Variants in NFIA observed in about 807,000 individuals in gnomAD.
NFIA encodes the protein nuclear factor I A, also known as nuclear factor 1 A-type.
Under a neutral mutation model 62.8 loss-of-function variants are expected in NFIA, and 8 were observed. That is an observed-to-expected ratio of 0.13 (90% CI 0.07 to 0.23). The LOEUF is 0.23. NFIA is among the 10% of genes least tolerant of loss of function. The probability of loss-of-function intolerance (pLI) is 1.00; values close to 1 mark genes in which losing one functional copy is unlikely to be tolerated. For missense variants in NFIA, 410 were observed against 642.1 expected, an observed-to-expected ratio of 0.64 and a Z score of 3.91; for synonymous variants, 235 against 238.1, an observed-to-expected ratio of 0.99 and a Z score of 0.12.
intron 1 of NFIA, among the ~76,000 whole-genome samples, chr1:61,086,978 G>C (rs1646229353): frequency 6.6e-6 from 1 of 152,112 alleles, no homozygotes; most frequent in Admixed American, 6.5e-5. Context: ...TGGAGAGGGG[G>C]TTATGTGGCA....
chr1:61,403,035 A>G (rs1347772342), intron 7 of NFIA, among the ~76,000 whole-genome samples: 1 of 152,152 alleles, frequency 6.6e-6, no homozygotes. Context: ...CAGTATTATG[A>G]GTCATTCTTG....
At chr1:61,317,046 A>C (rs1010606393) in intron 3 of NFIA, among the ~76,000 whole-genome samples, 2 of 152,102 alleles carry the variant, frequency 1.3e-5, no homozygotes, top group Non-Finnish European at 2.9e-5. Context: ...ACTTTTTTTC[A>C]AAAAAATACT....
At chr1:61,398,767 T>A (rs1322273034) in intron 7 of NFIA, among the ~76,000 whole-genome samples, 1 of 152,188 alleles carries the variant, frequency 6.6e-6, no homozygotes. Flanking sequence ...ATCCCTTAAC[T>A]CCAAACTTCT....
At chr1:61,309,019 G>A (rs545421197) in intron 3 of NFIA, among the ~76,000 whole-genome samples, 11 of 152,250 alleles carry the variant, frequency 7.2e-5, no homozygotes, top group Admixed American at 4.6e-4. Context: ...ATCTCAATCC[G>A]TTTTCCATTT....
At chr1:61,451,839 T>C (rs539005578) in intron 10 of NFIA, among the ~76,000 whole-genome samples, 1 of 152,324 alleles carries the variant, frequency 6.6e-6, no homozygotes, top group Admixed American at 6.5e-5. Context: ...TAAGGGGCTA[T>C]AAAGTACGAA....
intron 2 of NFIA, among the ~76,000 whole-genome samples, chr1:61,215,806 C>T (rs1257339022): frequency 6.6e-6 from 1 of 152,176 alleles, no homozygotes; most frequent in Admixed American, 6.5e-5. Context: ...GACTCATTTG[C>T]CCCTTTTTTA....
At chr1:61,281,031 G>A (rs1445068521) in intron 3 of NFIA, among the ~76,000 whole-genome samples, 2 of 152,074 alleles carry the variant, frequency 1.3e-5, no homozygotes, top group African/African-American at 4.8e-5. Flanking sequence ...ATCACTTGAG[G>A]TCAGGAGTTC....
intron 2 of NFIA, among the ~76,000 whole-genome samples, chr1:61,228,903 G>A (rs1164418098): frequency 1.3e-5 from 2 of 152,012 alleles, no homozygotes; most frequent in African/African-American, 2.4e-5. Context: ...ACATTTGAGT[G>A]CAACAATAAG....
intron 2 of NFIA, among the ~76,000 whole-genome samples, chr1:61,126,715 T>C (rs1570214765): frequency 1.3e-5 from 2 of 151,462 alleles, no homozygotes; most frequent in Middle Eastern, 6.9e-3. Flanking sequence ...TGAAGTTGCA[T>C]GCAGAATTTA....
At chr1:61,448,182 A>G (rs975629401) in intron 10 of NFIA, among the ~76,000 whole-genome samples, 1 of 151,260 alleles carries the variant, frequency 6.6e-6, no homozygotes, top group African/African-American at 2.4e-5. Flanking sequence ...CTCACCCCCA[A>G]CCTCCAAGGC....
intron 2 of NFIA, among the ~76,000 whole-genome samples, chr1:61,254,240 T>G (rs1656235699): frequency 6.6e-6 from 1 of 152,254 alleles, no homozygotes; most frequent in Non-Finnish European, 1.5e-5. Flanking sequence ...TAATTTCCAC[T>G]GTTGTTTTTG....
At chr1:61,285,867 C>T (rs1363874227) in intron 3 of NFIA, among the ~76,000 whole-genome samples, 5 of 152,156 alleles carry the variant, frequency 3.3e-5, no homozygotes, top group African/African-American at 9.7e-5. Context: ...AGCTTTTCAA[C>T]AATCTTTCCA....
chr1:61,132,081 A>G (rs1647092115), intron 2 of NFIA, among the ~76,000 whole-genome samples: 4 of 152,162 alleles, frequency 2.6e-5, no homozygotes, highest in Admixed American at 2.6e-4. Flanking sequence ...ATATATAGGT[A>G]AGCCAATTGG....
Position 61,461,955 on chromosome 1 carries a change from C to T in NFIA, c.*6635C>T, listed in dbSNP as rs1438554850. ...AAAAAAGCTTTTATTTTTCCTTTGA[C>T]TTATTTGTGTTGTTCTTATTTTTTA... On this transcript the variant is annotated 3_prime_UTR_variant, in exon 11 of 11. Transcript: ENST00000403491. The T allele has an allele frequency of 7.3e-6, 1 of 136,928 alleles. No homozygotes were observed. Among genetic ancestry groups the T allele is most frequent in the Admixed American group, 7.1e-5 (1 of 14,150 alleles). The allele number at this position is 136,928 out of a possible 1,614,324, so 8.5% of individuals were successfully genotyped here.
chr1:61,233,739 A>G (rs1410761915), intron 2 of NFIA, among the ~76,000 whole-genome samples: 2 of 152,206 alleles, frequency 1.3e-5, no homozygotes, highest in African/African-American at 4.8e-5. Context: ...AGACATAAGT[A>G]AAAAACCTAG....
At chr1:61,238,034 T>A (rs528980629) in intron 2 of NFIA, among the ~76,000 whole-genome samples, 2 of 152,334 alleles carry the variant, frequency 1.3e-5, no homozygotes, top group Non-Finnish European at 2.9e-5. Flanking sequence ...ATTTCACAAA[T>A]TAAATGGCAG....
chr1:61,231,285 A>G (rs984547237), intron 2 of NFIA, among the ~76,000 whole-genome samples: 6 of 152,202 alleles, frequency 3.9e-5, no homozygotes, highest in African/African-American at 1.4e-4. Context: ...GATATAAAGT[A>G]TCACTATACA....
chr1:61,274,766 A>T (rs1403500824), intron 2 of NFIA, among the ~76,000 whole-genome samples: 1 of 152,200 alleles, frequency 6.6e-6, no homozygotes, highest in Non-Finnish European at 1.5e-5. Context: ...ATTTGTATCA[A>T]TTATACCTGG....
chr1:61,178,180 A>G (rs771234174), intron 2 of NFIA, among the ~76,000 whole-genome samples: 1 of 152,192 alleles, frequency 6.6e-6, no homozygotes, highest in Non-Finnish European at 1.5e-5. Context: ...GGTGTTGAGT[A>G]TTACCCATAA....
Sources: allele counts gnomAD v4.1 joint callset (sites outside exome capture counted in the v4.1 genomes callset), GRCh38; gene constraint gnomAD v4.1.1; transcripts MANE v1.5; gene names NCBI Gene and HGNC (gene_info 2026-07-23, HGNC 2026-07-21).